The following FAF2 variants were observed in gnomAD, a reference collection of about 807,000 sequenced individuals.
The protein encoded by FAF2 is Fas associated factor family member 2, also known as FAS-associated factor 2.
In FAF2, 9 loss-of-function variants were observed where a neutral mutation model predicts 62.3. That is an observed-to-expected ratio of 0.14 (90% confidence interval 0.09 to 0.25). The LOEUF is 0.25. FAF2 is among the 10% of genes least tolerant of loss of function. FAF2 has a pLI of 1.00. For synonymous variants in FAF2, 202 were observed against 198.0 expected, an observed-to-expected ratio of 1.02 and a Z score of -0.17; for missense variants, 368 against 556.2, an observed-to-expected ratio of 0.66 and a Z score of 3.40.
At chr5:176,455,064 G>A (rs1178116985) in intron 1 of FAF2, among the ~76,000 whole-genome samples, 1 of 151,956 alleles carries the variant, frequency 6.6e-6, no homozygotes, top group Admixed American at 6.6e-5. Context: ...GGCTCTGTCT[G>A]GGGAAATTGC....
intron 1 of FAF2, among the ~76,000 whole-genome samples, chr5:176,468,367 T>C (rs903174701): frequency 4.6e-5 from 7 of 151,852 alleles, no homozygotes; most frequent in Non-Finnish European, 1.0e-4. Flanking sequence ...GGTGGATCAC[T>C]AGGCCAGGAG....
In FAF2 at chr5:176,494,238, C is replaced by G. The variant is rs750686615; in HGVS notation, c.624C>G (p.Phe208Leu). Residue 208 changes from phenylalanine to leucine, a missense_variant, in exon 7 of 11, where the codon TTC (phenylalanine) becomes TTG (leucine). Phe to Leu is a conservative substitution (Grantham distance 22). Transcript: ENST00000261942. This position sits in a 1 kb window ranked among gnomAD's most constrained non-coding sequence, Gnocchi z 4.0. ...CACTAATAAACACTAGGATGCTCTT[C>G]TGGGCATGCTCTACAAACAAACCTG... ...VISLINTRML[F>L]WACSTNKPEG... 6.2e-7 allele frequency: 1 copy of G among 1,613,962 alleles called. No individual in the cohort carries two copies. The highest frequency in any genetic ancestry group is 2.2e-5 in the East Asian group (1 of 44,878).
intron 4 of FAF2, among the ~76,000 whole-genome samples, chr5:176,490,050 G>A (rs1206858828): frequency 1.3e-5 from 2 of 152,090 alleles, no homozygotes; most frequent in Non-Finnish European, 2.9e-5. Context: ...TGTGGCTCAC[G>A]CCTGTAATCC....
intron 2 of FAF2, among the ~76,000 whole-genome samples, chr5:176,481,630 C>G (rs1229146837): frequency 6.6e-6 from 1 of 151,720 alleles, no homozygotes; most frequent in Admixed American, 6.6e-5. Context: ...GCACTCCAGC[C>G]TGGGGGACAG....
intron 4 of FAF2, 86 bp downstream of exon 4, chr5:176,489,113 A>G (rs369098085): frequency 8.1e-5 from 74 of 916,074 alleles, no homozygotes; most frequent in Middle Eastern, 5.7e-4. Flanking sequence ...TGCTCTATCA[A>G]TGTTGACTTA....
chr5:176,455,916 T>C (rs1581467245), intron 1 of FAF2, among the ~76,000 whole-genome samples: 1 of 148,590 alleles, frequency 6.7e-6, no homozygotes, highest in East Asian at 1.9e-4. Flanking sequence ...ACATGTAAAA[T>C]GTTAAAATGA....
chr5:176,473,979 T>G (rs1046227724), intron 1 of FAF2, among the ~76,000 whole-genome samples: 1 of 152,212 alleles, frequency 6.6e-6, no homozygotes, highest in Admixed American at 6.5e-5. Context: ...AATCAGCCAC[T>G]TCTCCAAGGA....
At chr5:176,483,689 T>C (rs1020581770) in intron 2 of FAF2, among the ~76,000 whole-genome samples, 1 of 152,194 alleles carries the variant, frequency 6.6e-6, no homozygotes, top group African/African-American at 2.4e-5. Flanking sequence ...TCAGATTTGC[T>C]AATTCACTAG....
chr5:176,505,023 G>GAA (rs571061959), intron 10 of FAF2, among the ~76,000 whole-genome samples: 4 of 122,100 alleles, frequency 3.3e-5, no homozygotes, highest in Non-Finnish European at 1.7e-5. Context: ...ACCTGTCTGG[G>GAA]AAAAAAAAAA....
rs542371087 is a variant in FAF2 at position 176,487,079 on chromosome 5, T to C, written c.267+590T>C. On this transcript the variant is annotated intron_variant, in intron 3 of 10. Coordinates refer to ENST00000261942, the MANE Select transcript of FAF2 (RefSeq NM_014613.3). ...CCCCTGGGGTTATACTCACCTCTTA[T>C]ACTTTTATACTTGCATTTAGAATCC... 1.4e-3 allele frequency among the ~76,000 whole-genome samples: 220 copies of C among 152,362 alleles called. No homozygotes were observed. The Middle Eastern group carries it at 0.017, about 12-fold the overall frequency.
intron 1 of FAF2, among the ~76,000 whole-genome samples, chr5:176,468,597 G>A (rs920252634): frequency 7.2e-5 from 11 of 151,750 alleles, no homozygotes; most frequent in Non-Finnish European, 1.0e-4. Context: ...AAGAAAAATA[G>A]AAGTAAATAG....
intron 1 of FAF2, among the ~76,000 whole-genome samples, chr5:176,458,408 C>CTTTTTTTTT (rs751775026): frequency 0.012 from 1,062 of 86,316 alleles, 31 homozygotes; most frequent in Middle Eastern, 0.027. Flanking sequence ...CTTTTTCTTC[C>CTTTTTTTTT]TTTTTTTTTT....
At chr5:176,504,106 C>G (rs1303128708) in intron 10 of FAF2, among the ~76,000 whole-genome samples, 6 of 148,898 alleles carry the variant, frequency 4.0e-5, no homozygotes. Flanking sequence ...GACTCCATCT[C>G]AAAAAAAAAG....
intron 1 of FAF2, among the ~76,000 whole-genome samples, chr5:176,472,780 A>C (rs116678030): frequency 7.6e-4 from 115 of 151,978 alleles, no homozygotes; most frequent in Non-Finnish European, 1.3e-3. Flanking sequence ...TAGGGCTCAT[A>C]TGGTTCTTAT....
At chr5:176,490,984 G>A (rs1463094154) in intron 4 of FAF2, among the ~76,000 whole-genome samples, 1 of 152,122 alleles carries the variant, frequency 6.6e-6, no homozygotes, top group African/African-American at 2.4e-5. Context: ...ATTCGCTCTG[G>A]AACGTTGTTG....
chr5:176,449,161 A>G (rs1453370745), intron 1 of FAF2, among the ~76,000 whole-genome samples: 2 of 152,250 alleles, frequency 1.3e-5, no homozygotes, highest in Non-Finnish European at 2.9e-5. Flanking sequence ...ATGTTGTATT[A>G]AGAACATTTG....
chr5:176,469,216 G>A (rs1758519064), intron 1 of FAF2, among the ~76,000 whole-genome samples: 1 of 152,018 alleles, frequency 6.6e-6, no homozygotes, highest in African/African-American at 2.4e-5. Flanking sequence ...TTGTACTCCA[G>A]CCTGGGCGAC....
rs2113751443 is a variant in FAF2, at chr5:176,507,077, A to G, written c.*127A>G. The G allele has an allele frequency of 1.9e-6, 1 of 538,788 alleles. No homozygotes were observed. The highest frequency in any genetic ancestry group is 2.0e-5 in the African/African-American group (1 of 50,248). 33.4% of individuals were successfully genotyped at this position (538,788 alleles called of 1,614,324 possible). A position where few individuals can be genotyped will look rare whatever the true frequency, so the allele number is the denominator to read the frequency against. On this transcript the variant is annotated 3_prime_UTR_variant, in exon 11 of 11. Coordinates refer to ENST00000261942, the MANE Select transcript of FAF2 (RefSeq NM_014613.3). ...ATATTATTATTATTATTATAATACA[A>G]TATTTTTTTTAAAAGACTGCTGCAT...
chr5:176,454,561 G>A (rs1758246391), intron 1 of FAF2, among the ~76,000 whole-genome samples: 1 of 112,730 alleles, frequency 8.9e-6, no homozygotes, highest in Admixed American at 1.2e-4. Context: ...CTGGGCAACA[G>A]AGCCAGATTC....
Sources: allele counts gnomAD v4.1 joint callset (sites outside exome capture counted in the v4.1 genomes callset), GRCh38; gene constraint gnomAD v4.1.1; non-coding constraint Gnocchi (gnomAD v3.1); transcripts MANE v1.5; gene names NCBI Gene and HGNC (gene_info 2026-07-23, HGNC 2026-07-21).